Variants in KIF5A observed in about 807,000 individuals in gnomAD.
KIF5A encodes the protein kinesin family member 5A, also known as kinesin heavy chain isoform 5A.
In KIF5A, 35 loss-of-function variants were observed where a neutral mutation model predicts 141.3. The ratio of observed to expected loss-of-function variants is 0.25; its 90% CI spans 0.19 to 0.33. The LOEUF is 0.33. Ranked by LOEUF, KIF5A falls within the 10% of genes least tolerant of loss-of-function variation. The probability of loss-of-function intolerance (pLI) is 1.00; values close to 1 mark genes in which losing one functional copy is unlikely to be tolerated. For synonymous variants in KIF5A, 448 were observed against 500.2 expected (o/e 0.90, Z 1.39); for missense variants, 861 against 1,314.3 (o/e 0.66, Z 5.33).
Position 57,572,719 on chromosome 12 carries a change from T to C in KIF5A, c.1709T>C (p.Ile570Thr). 1.2e-6 allele frequency: 2 copies of C among 1,614,060 alleles called. No individual in the cohort carries two copies. Among genetic ancestry groups the C allele is most frequent in the Non-Finnish European group, 1.7e-6 (2 of 1,179,984 alleles). ...AGTGTCATTGTGGGCAACGGGGAGA[T>C]TAAGCTGGTGAGTGGTGAGAGACAG... ...EFSVIVGNGE[I>T]KLPVEISGAI... is the part of the protein sequence containing the mutation. The change falls in exon 15 of 29, where the codon ATT becomes ACT. Residue 570 changes from isoleucine to threonine, a missense_variant. By Grantham distance (89) the Ile-to-Thr change is moderately conservative (BLOSUM62 -1). Around this residue, in one of 5 missense-constraint regions of KIF5A, gnomAD observed 482 missense variants for 661.3 expected, o/e 0.73. Coordinates refer to ENST00000455537, the MANE Select transcript of KIF5A (RefSeq NM_004984.4). This position sits in a 1 kb window ranked among gnomAD's most constrained non-coding sequence, Gnocchi z 4.2.
intron 5 of KIF5A, among the ~76,000 whole-genome samples, 189 bp from the exon 6 acceptor site, chr12:57,564,729 C>T (rs141763616): frequency 1.3e-5 from 2 of 152,212 alleles, no homozygotes; most frequent in Non-Finnish European, 1.5e-5. Flanking sequence ...GATCTGGGGC[C>T]GAGGAGCAGG....
chr12:57,559,371 T>C (rs569597458), intron 1 of KIF5A, among the ~76,000 whole-genome samples: 116 of 152,362 alleles, frequency 7.6e-4, no homozygotes, highest in Non-Finnish European at 1.6e-3. Flanking sequence ...ACCAGTGTAA[T>C]GCGTTGTCTA....
At chr12:57,554,183 C>G (rs1881664150) in intron 1 of KIF5A, among the ~76,000 whole-genome samples, 1 of 152,124 alleles carries the variant, frequency 6.6e-6, no homozygotes, top group Non-Finnish European at 1.5e-5. Flanking sequence ...CAGTGTGGGT[C>G]TGGAATCAGA....
chr12:57,571,574 CT>C (rs1259354759), intron 13 of KIF5A, among the ~76,000 whole-genome samples, 185 bp downstream of exon 13: 191 of 143,526 alleles, frequency 1.3e-3, no homozygotes, highest in Middle Eastern at 3.6e-3. Flanking sequence ...TTTTTCTTTT[CT>C]TTTTTTTTTT....
Position 57,567,067 on chromosome 12 carries a change from A to G in KIF5A, c.502-59A>G, listed in dbSNP as rs117149568. On this transcript the variant is annotated intron_variant, in intron 6 of 28. Coordinates refer to ENST00000455537, the MANE Select transcript of KIF5A (RefSeq NM_004984.4). ...GAAAATAATAATAATAAAAATAAAT[A>G]AATAAATACAAACTTAAAAAACAAA... The G allele has an allele frequency of 9.2e-3, 8,650 of 943,252 alleles. 119 individuals are homozygous for G. Among genetic ancestry groups the G allele is most frequent in the Middle Eastern group, 0.017 (64 of 3,852 alleles). 58.4% of individuals were successfully genotyped at this position (943,252 alleles called of 1,614,324 possible). A position where few individuals can be genotyped will look rare whatever the true frequency, so the allele number is the denominator to read the frequency against.
chr12:57,580,414 T>C (rs1882561460), intron 23 of KIF5A, among the ~76,000 whole-genome samples: 1 of 152,190 alleles, frequency 6.6e-6, no homozygotes, highest in South Asian at 2.1e-4. Context: ...CCTGTCTATA[T>C]GTGTATGTCA....
At chr12:57,567,281 G>A (rs1201198102) in intron 7 of KIF5A, 68 bp downstream of exon 7, 4 of 1,387,402 alleles carry the variant, frequency 2.9e-6, no homozygotes, top group Non-Finnish European at 4.1e-6. Context: ...CTCTGGGGTG[G>A]AGGGACTCAA....
chr12:57,567,588 G>A lies in KIF5A; in HGVS notation c.684G>A (p.Leu228=). The stretch of plus-strand genomic sequence containing the variant: ...CGGAGCAGAAGCTCAGTGGGAAGCT[G>A]TATCTGGTGGACCTGGCAGGGAGTG... ...METEQKLSGK[L]YLVDLAGSEK... Residue 228 remains leucine, a synonymous_variant, in exon 8 of 29, where the codon CTG becomes CTA. Coordinates refer to ENST00000455537, the MANE Select transcript of KIF5A (RefSeq NM_004984.4). 6.2e-7 allele frequency: 1 copy of A among 1,609,270 alleles called. No individual in the cohort carries two copies. Among genetic ancestry groups the A allele is most frequent in the Non-Finnish European group, 8.5e-7 (1 of 1,177,286 alleles).
chr12:57,569,169 G>T lies in KIF5A; in HGVS notation c.820-87G>T, dbSNP rs1366831514. ...TCATGCCCCAATTCATGGGTTGTCT[G>T]ATCCCGGGGTGGCACCACTATCCTT... is the stretch of plus-strand genomic sequence containing the variant. On this transcript the variant is annotated intron_variant, in intron 9 of 28. Transcript: ENST00000455537. 6 of 1,580,312 alleles carry T rather than the reference G, an allele frequency of 3.8e-6. No homozygotes were observed. The African/African-American group carries it at 4.0e-5, about 11-fold the overall frequency.
rs2140175039 is a variant in KIF5A at position 57,585,990 on chromosome 12, A to C, written c.*1809A>C. The stretch of plus-strand genomic sequence containing the variant: ...CTGACTGTTCAAAGGCTCCTCAGCA[A>C]ATGAGCCCTTGAACAGTCCTAAGAG... On this transcript the variant is annotated 3_prime_UTR_variant, in exon 29 of 29. Coordinates refer to ENST00000455537, the MANE Select transcript of KIF5A (RefSeq NM_004984.4). 6.6e-6 allele frequency: 1 copy of C among 151,612 alleles called. No homozygotes were observed. The highest frequency in any genetic ancestry group is 1.5e-5 in the Non-Finnish European group (1 of 67,918). 9.4% of individuals were successfully genotyped at this position (151,612 alleles called of 1,614,324 possible).
chr12:57,584,793 T>C lies in KIF5A; in HGVS notation c.*612T>C, dbSNP rs766306288. 6.6e-6 allele frequency: 1 copy of C among 152,364 alleles called. No individual in the cohort carries two copies. The highest frequency in any genetic ancestry group is 1.5e-5 in the Non-Finnish European group (1 of 68,030). The allele number at this position is 152,364 out of a possible 1,614,324, so 9.4% of individuals were successfully genotyped here. ...TTTCTTCATACACCCCTCACCTTAA[T>C]CAAAGGATTCAGGTGTTACTTCTGC... is the stretch of plus-strand genomic sequence containing the variant. On this transcript the variant is annotated 3_prime_UTR_variant, in exon 29 of 29. Coordinates refer to ENST00000455537, the MANE Select transcript of KIF5A (RefSeq NM_004984.4).
At chr12:57,559,258 A>G (rs992385927) in intron 1 of KIF5A, among the ~76,000 whole-genome samples, 1 of 152,242 alleles carries the variant, frequency 6.6e-6, no homozygotes, top group Non-Finnish European at 1.5e-5. Context: ...AAGCATATGC[A>G]TTTAAAAATG....
intron 12 of KIF5A, 71 bp from the exon 13 acceptor site, chr12:57,571,250 C>A: frequency 1.1e-6 from 1 of 939,186 alleles, no homozygotes; most frequent in Non-Finnish European, 1.8e-6. Flanking sequence ...TGCCTCTACC[C>A]CCAAACTTCT....
rs142150712 is a variant in KIF5A, at chr12:57,563,051, G to A, written c.130-388G>A. On this transcript the variant is annotated intron_variant, in intron 1 of 28. Transcript: ENST00000455537. ...GAGATGGAGTCTCGCTCTATCGCCA[G>A]GCTGGAGTGCAGTGGCGCAATCTCG... Among the ~76,000 whole-genome samples, 468 of 150,338 alleles carry A rather than the reference G, an allele frequency of 3.1e-3. 19 individuals carry two copies. The East Asian group carries it at 0.07, about 22-fold the overall frequency.
At chr12:57,563,228 A>G (rs1011414848) in intron 1 of KIF5A, among the ~76,000 whole-genome samples, 12 of 151,808 alleles carry the variant, frequency 7.9e-5, no homozygotes, top group Non-Finnish European at 1.5e-4. Flanking sequence ...GCTGGTCTTG[A>G]ACTCCTGACC....
At chr12:57,570,323 T>C (rs764346262) in intron 12 of KIF5A, among the ~76,000 whole-genome samples, 161 bp downstream of exon 12, 2 of 152,240 alleles carry the variant, frequency 1.3e-5, no homozygotes, top group Non-Finnish European at 2.9e-5. Context: ...AAAATTAAAA[T>C]CATCCACTAT....
rs773330335 is a variant in KIF5A at position 57,576,337 on chromosome 12, C to A, written c.2157C>A (p.Asp719Glu). The change falls in exon 19 of 29, where the codon GAC (aspartate) becomes GAA (glutamate). Residue 719 changes from aspartate to glutamate, a missense_variant. Coordinates refer to ENST00000455537, the MANE Select transcript of KIF5A (RefSeq NM_004984.4). ...ACCGGCAGCTGGCCCGGCTCCGGGA[C>A]GAGATCAACGAGAAGCAGAAGACCA... is the stretch of plus-strand genomic sequence containing the variant. ...AHHRQLARLR[D>E]EINEKQKTID... The A allele has an allele frequency of 3.1e-6, 5 of 1,613,942 alleles. No individual in the cohort carries two copies. In the South Asian group the frequency reaches 5.5e-5, roughly 18 times the overall value.
chr12:57,583,721 C>A (rs1882675970), intron 28 of KIF5A, among the ~76,000 whole-genome samples: 1 of 152,220 alleles, frequency 6.6e-6, no homozygotes, highest in African/African-American at 2.4e-5. Context: ...CACCAGTAAG[C>A]TTTAGGAAAC....
chr12:57,575,222 A>G lies in KIF5A; in HGVS notation c.1855A>G (p.Met619Val). Residue 619 changes from methionine (M) to valine (V), a missense_variant, in exon 16 of 29, where the codon ATG (methionine) becomes GTG (valine). By Grantham distance (21) the Met-to-Val change is conservative. Transcript: ENST00000455537. ...ENLQVECHRK[M>V]EVTGRELSSC... Reference sequence around the variant, plus strand: ...CCTCCAGGTGGAGTGTCACCGCAAGATGGAAGTGACCGGGCGGGAGCTCTC... The same window carrying G: ...CCTCCAGGTGGAGTGTCACCGCAAGGTGGAAGTGACCGGGCGGGAGCTCTC... 6.2e-7 allele frequency: 1 copy of G among 1,613,886 alleles called. No homozygotes were observed. The highest frequency in any genetic ancestry group is 8.5e-7 in the Non-Finnish European group (1 of 1,179,922).
Sources: allele counts gnomAD v4.1 joint callset (sites outside exome capture counted in the v4.1 genomes callset), GRCh38; gene constraint gnomAD v4.1.1; regional missense constraint gnomAD v4.1.1; non-coding constraint Gnocchi (gnomAD v3.1); transcripts MANE v1.5; gene names NCBI Gene and HGNC (gene_info 2026-07-23, HGNC 2026-07-21).